The following PPP4R1 variants were observed in gnomAD, a reference collection of about 807,000 sequenced individuals.
The protein encoded by PPP4R1 is serine/threonine-protein phosphatase 4 regulatory subunit 1.
Under a neutral mutation model 111.2 loss-of-function variants are expected in PPP4R1, and 42 were observed. The ratio of observed to expected loss-of-function variants is 0.38; its 90% CI spans 0.29 to 0.49. The LOEUF is 0.49. PPP4R1 is among the 20% of genes least tolerant of loss of function. The probability of loss-of-function intolerance (pLI) is 0.97; values close to 1 mark genes in which losing one functional copy is unlikely to be tolerated. For synonymous variants in PPP4R1, 409 were observed against 405.5 expected (o/e 1.01, Z -0.10); for missense variants, 1,012 against 1,161.6 (o/e 0.87, Z 1.87).
intron 10 of PPP4R1, among the ~76,000 whole-genome samples, chr18:9,575,428 GT>G (rs1208047127): frequency 6.6e-6 from 1 of 152,164 alleles, no homozygotes; most frequent in African/African-American, 2.4e-5. Context: ...CTTCTTTATA[GT>G]TTGTCAAACT....
At position 9,614,137 on chromosome 18, in the gene PPP4R1, G is replaced by A. The variant is rs1356582202; in HGVS notation, c.52+89C>T. 2 of 1,135,056 alleles carry A rather than the reference G, an allele frequency of 1.8e-6. No individual in the cohort carries two copies. The highest frequency in any genetic ancestry group is 1.7e-5 in the African/African-American group (1 of 60,346). 70.3% of individuals were successfully genotyped at this position (1,135,056 alleles called of 1,614,324 possible). A position where few individuals can be genotyped will look rare whatever the true frequency, so the allele number is the denominator to read the frequency against. ...CCCTCGCCCACCGTCCCCTCAGCCAGCCAGGGCCCGGCCCAGGCCTCGCCG... is the reference window on the plus strand; with the variant it reads ...CCCTCGCCCACCGTCCCCTCAGCCAACCAGGGCCCGGCCCAGGCCTCGCCG... On this transcript the variant is annotated intron_variant, in intron 2 of 19. Transcript: ENST00000400556. The surrounding 1 kb of genome is among the most constrained non-coding windows in gnomAD (Gnocchi z 4.1).
chr18:9,552,426 C>T (rs370786473), intron 16 of PPP4R1, among the ~76,000 whole-genome samples: 1 of 152,104 alleles, frequency 6.6e-6, no homozygotes, highest in African/African-American at 2.4e-5. Flanking sequence ...GACCACTATC[C>T]GATACGTATT....
At chr18:9,587,922 G>C (rs2067147295) in intron 6 of PPP4R1, among the ~76,000 whole-genome samples, 167 bp downstream of exon 6, 1 of 151,502 alleles carries the variant, frequency 6.6e-6, no homozygotes, top group South Asian at 2.1e-4. Flanking sequence ...TCACCATATT[G>C]CCCAGGCTGG....
chr18:9,586,818 C>T (rs1477426123), intron 6 of PPP4R1, among the ~76,000 whole-genome samples: 3 of 152,160 alleles, frequency 2.0e-5, no homozygotes, highest in Non-Finnish European at 2.9e-5. Context: ...AGAATTACTA[C>T]TATCCGAACT....
chr18:9,606,029 G>A (rs550454704), intron 2 of PPP4R1, among the ~76,000 whole-genome samples: 1 of 152,286 alleles, frequency 6.6e-6, no homozygotes, highest in South Asian at 2.1e-4. Context: ...TACAATATCT[G>A]TGCAGCTTTT....
At chr18:9,589,811 T>A (rs894653073) in intron 4 of PPP4R1, 12 of 152,316 alleles carry the variant, frequency 7.9e-5, no homozygotes, top group African/African-American at 2.9e-4. Flanking sequence ...GACAGTAGAA[T>A]CACTTGAACA....
chr18:9,605,586 A>G (rs2067466969), intron 2 of PPP4R1, among the ~76,000 whole-genome samples: 1 of 149,152 alleles, frequency 6.7e-6, no homozygotes. Context: ...AAAAAAAAAA[A>G]AAAAAAAAAG....
At chr18:9,573,530 AAGAGC>A (rs1450659025) in intron 10 of PPP4R1, among the ~76,000 whole-genome samples, 2 of 152,206 alleles carry the variant, frequency 1.3e-5, no homozygotes, top group African/African-American at 2.4e-5. Flanking sequence ...GGGGGAAGAG[AAGAGC>A]AAATGGGTAA....
intron 15 of PPP4R1, among the ~76,000 whole-genome samples, chr18:9,556,197 G>T (rs1598892849): frequency 6.7e-6 from 1 of 148,412 alleles, no homozygotes. Flanking sequence ...CAATGTTTTT[G>T]TTTTTTACTT....
At chr18:9,600,060 C>A (rs1252495225) in intron 2 of PPP4R1, among the ~76,000 whole-genome samples, 1 of 152,076 alleles carries the variant, frequency 6.6e-6, no homozygotes, top group African/African-American at 2.4e-5. Flanking sequence ...AAGAAGCCTA[C>A]TCCTAGAAGG....
At position 9,567,736 on chromosome 18, in the gene PPP4R1, C is replaced by CCAAA. The variant is rs200941065; in HGVS notation, c.1573+2420_1573+2421insTTTG. Among the ~76,000 whole-genome samples the CCAAA allele has an allele frequency of 3.7e-3, 557 of 152,276 alleles. 3 individuals are homozygous for CCAAA. Among genetic ancestry groups the CCAAA allele is most frequent in the African/African-American group, 0.013 (520 of 41,560 alleles). On this transcript the variant is annotated intron_variant, in intron 11 of 19. Transcript: ENST00000400556. ...CCTGCAGGTAATATGCCAACAAACA[C>CCAAA]CATTGCTAGCTATGGATACATCTTT... is the stretch of plus-strand genomic sequence containing the variant.
chr18:9,563,755 TA>T (rs2066717012), intron 11 of PPP4R1: 2 of 439,978 alleles, frequency 4.5e-6, no homozygotes, highest in Non-Finnish European at 8.0e-6. Context: ...TTCATGAGAT[TA>T]AAAATGTTTA....
At chr18:9,561,025 C>T (rs1321141193) in intron 13 of PPP4R1, among the ~76,000 whole-genome samples, 1 of 151,690 alleles carries the variant, frequency 6.6e-6, no homozygotes, top group Non-Finnish European at 1.5e-5. Context: ...CATGACCAGC[C>T]TGGCCAACAC....
At chr18:9,552,936 A>G (rs2066512283) in intron 16 of PPP4R1, among the ~76,000 whole-genome samples, 1 of 152,250 alleles carries the variant, frequency 6.6e-6, no homozygotes, top group South Asian at 2.1e-4. Context: ...CTTGCATGAA[A>G]TGTCCGCAAC....
At chr18:9,596,059 A>G (rs1461074594) in intron 2 of PPP4R1, among the ~76,000 whole-genome samples, 1 of 152,216 alleles carries the variant, frequency 6.6e-6, no homozygotes, top group Non-Finnish European at 1.5e-5. Context: ...TACAAAATAT[A>G]CTTTCCAGAA....
chr18:9,572,956 C>A (rs1001338478), intron 10 of PPP4R1, among the ~76,000 whole-genome samples: 2 of 152,166 alleles, frequency 1.3e-5, no homozygotes, highest in African/African-American at 4.8e-5. Context: ...ACTGGCACTA[C>A]GTTAATATAA....
At chr18:9,578,293 T>A (rs1194802514) in intron 9 of PPP4R1, among the ~76,000 whole-genome samples, 1 of 152,194 alleles carries the variant, frequency 6.6e-6, no homozygotes, top group East Asian at 1.9e-4. Context: ...TGGAAAACAG[T>A]GGTGCTACCA....
chr18:9,607,839 A>G (rs530206343), intron 2 of PPP4R1, among the ~76,000 whole-genome samples: 1 of 147,854 alleles, frequency 6.8e-6, no homozygotes, highest in East Asian at 2.0e-4. Context: ...CTGGAGTGCA[A>G]TGATGCAATC....
rs1443087820 is a variant in PPP4R1 at position 9,573,212 on chromosome 18, A to G, written c.1047-2529T>C. ...AGAACATTAGTGGGCCAATTGGTAA[A>G]ATTCAATAAAGGCTAGATTAGCTAA... On this transcript the variant is annotated intron_variant, in intron 10 of 19. Coordinates refer to ENST00000400556, the MANE Select transcript of PPP4R1 (RefSeq NM_001042388.3). 3.3e-5 allele frequency among the ~76,000 whole-genome samples: 5 copies of G among 152,338 alleles called. No individual in the cohort carries two copies. In the East Asian group the frequency reaches 9.6e-4, roughly 29 times the overall value.
Sources: allele counts gnomAD v4.1 joint callset (sites outside exome capture counted in the v4.1 genomes callset), GRCh38; gene constraint gnomAD v4.1.1; non-coding constraint Gnocchi (gnomAD v3.1); transcripts MANE v1.5; gene names NCBI Gene and HGNC (gene_info 2026-07-23, HGNC 2026-07-21).